Variants in RCOR1 observed in about 807,000 individuals in gnomAD.
RCOR1 encodes REST corepressor 1.
A neutral mutation model predicts 64.0 loss-of-function variants in RCOR1; 12 were observed. That is an observed-to-expected ratio of 0.19 (90% CI 0.12 to 0.30). RCOR1 has a LOEUF of 0.30. Ranked by LOEUF, RCOR1 falls within the 10% of genes least tolerant of loss-of-function variation. The pLI is 1.00. For missense variants in RCOR1, 502 were observed against 621.2 expected (o/e 0.81, Z 2.04); for synonymous variants, 279 against 227.2 (o/e 1.23, Z -2.05).
chr14:102,607,712 T>C (rs1187404058), intron 2 of RCOR1, among the ~76,000 whole-genome samples: 1 of 152,160 alleles, frequency 6.6e-6, no homozygotes, highest in Non-Finnish European at 1.5e-5. Context: ...TAAAACCCCA[T>C]ATCTACTAAA....
chr14:102,709,995 C>A (rs566540336), intron 6 of RCOR1, among the ~76,000 whole-genome samples: 2 of 152,246 alleles, frequency 1.3e-5, no homozygotes, highest in African/African-American at 4.8e-5. Flanking sequence ...TTTTGGGATG[C>A]GGGGATGGAG....
chr14:102,627,206 C>G (rs1054003439), intron 2 of RCOR1, among the ~76,000 whole-genome samples: 6 of 152,200 alleles, frequency 3.9e-5, no homozygotes, highest in African/African-American at 1.4e-4. Flanking sequence ...TAACTGCTAG[C>G]TAAGGCCAAA....
At chr14:102,641,413 A>T (rs942065973) in intron 2 of RCOR1, among the ~76,000 whole-genome samples, 2 of 152,098 alleles carry the variant, frequency 1.3e-5, no homozygotes, top group African/African-American at 4.8e-5. Flanking sequence ...CAACCTGGGC[A>T]ACATGGCAAA....
rs8006699 is a variant in RCOR1, at chr14:102,728,661, A to G, written c.*2155A>G. On this transcript the variant is annotated 3_prime_UTR_variant, in exon 12 of 12. Transcript: ENST00000262241. ...TGCTAATTTTTATATAGCGTGGCAA[A>G]CTGACCAGCAGTGCCAGGCCTTGAT... The G allele has an allele frequency of 0.22, 33,085 of 152,024 alleles. 4,636 individuals are homozygous for G. The highest frequency in any genetic ancestry group is 0.39 in the African/African-American group (16,171 of 41,408). The allele number at this position is 152,024 out of a possible 1,614,324, so 9.4% of individuals were successfully genotyped here. A position where few individuals can be genotyped will look rare whatever the true frequency, so the allele number is the denominator to read the frequency against.
At chr14:102,656,578 C>T (rs952638057) in intron 2 of RCOR1, among the ~76,000 whole-genome samples, 1 of 151,928 alleles carries the variant, frequency 6.6e-6, no homozygotes, top group Non-Finnish European at 1.5e-5. Context: ...AGCAATTCTC[C>T]TGTTCCAGCC....
At chr14:102,619,655 A>AT (rs1454870651) in intron 2 of RCOR1, among the ~76,000 whole-genome samples, 2 of 151,394 alleles carry the variant, frequency 1.3e-5, no homozygotes, top group African/African-American at 4.9e-5. Context: ...AAGTTTTTAT[A>AT]TTTTTGGTAG....
At chr14:102,602,184 G>A (rs115902598) in intron 2 of RCOR1, among the ~76,000 whole-genome samples, 4 of 151,166 alleles carry the variant, frequency 2.6e-5, no homozygotes, top group African/African-American at 9.7e-5. Flanking sequence ...GTGATAATAT[G>A]TTTTCTTGTT....
At chr14:102,657,685 A>G (rs1157445979) in intron 2 of RCOR1, 1 of 434,856 alleles carries the variant, frequency 2.3e-6, no homozygotes, top group Non-Finnish European at 3.1e-6. Context: ...TAAAAATACA[A>G]AAATTAGCCG....
At chr14:102,679,634 A>G (rs1395142850) in intron 2 of RCOR1, among the ~76,000 whole-genome samples, 2 of 151,674 alleles carry the variant, frequency 1.3e-5, no homozygotes, top group Non-Finnish European at 2.9e-5. Flanking sequence ...GCCCGCCACC[A>G]CGCCCGGCTA....
intron 2 of RCOR1, chr14:102,630,058 G>C (rs1894076945): frequency 5.5e-6 from 5 of 902,154 alleles, no homozygotes; most frequent in Non-Finnish European, 6.6e-6. Flanking sequence ...GATGTGGTTT[G>C]TCCTTAGCAA....
intron 8 of RCOR1, among the ~76,000 whole-genome samples, chr14:102,715,550 T>G (rs764666890): frequency 2.4e-4 from 36 of 151,480 alleles, no homozygotes; most frequent in Middle Eastern, 3.4e-3. Context: ...CCTGGCTAAT[T>G]TTTTGTGTTT....
At chr14:102,602,394 C>CTTTTTTTTTTTTTT (rs66743592) in intron 2 of RCOR1, among the ~76,000 whole-genome samples, 2 of 104,242 alleles carry the variant, frequency 1.9e-5, no homozygotes, top group African/African-American at 7.4e-5. Flanking sequence ...CTTTTCTTTT[C>CTTTTTTTTTTTTTT]TTTTTTTTTT....
chr14:102,632,798 C>G (rs574820349), intron 2 of RCOR1, among the ~76,000 whole-genome samples: 18 of 119,828 alleles, frequency 1.5e-4, no homozygotes, highest in Non-Finnish European at 2.2e-4. Context: ...TCTCCTCTCT[C>G]GTCTCTCCTC....
chr14:102,597,320 G>A (rs1403479987), intron 2 of RCOR1, among the ~76,000 whole-genome samples: 2 of 151,766 alleles, frequency 1.3e-5, no homozygotes, highest in Non-Finnish European at 2.9e-5. Context: ...CATGAATGGA[G>A]GAATTTGACT....
intron 2 of RCOR1, among the ~76,000 whole-genome samples, chr14:102,616,264 A>G (rs545202273): frequency 6.1e-5 from 9 of 146,914 alleles, no homozygotes; most frequent in East Asian, 2.1e-4. Context: ...GTGTGTGTGT[A>G]TATATATATT....
chr14:102,709,317 A>G (rs774366214), intron 6 of RCOR1, among the ~76,000 whole-genome samples: 1 of 152,250 alleles, frequency 6.6e-6, no homozygotes, highest in East Asian at 1.9e-4. Flanking sequence ...TAAAATGAAG[A>G]TGTTTGAAGT....
intron 2 of RCOR1, chr14:102,658,481 G>GA: frequency 2.0e-6 from 2 of 976,308 alleles, no homozygotes; most frequent in Non-Finnish European, 2.4e-6. Flanking sequence ...GTGAGACTCT[G>GA]AAAAAAATAA....
At position 102,707,955 on chromosome 14, in the gene RCOR1, A is replaced by T. The variant is rs193008460; in HGVS notation, c.660+443A>T. On this transcript the variant is annotated intron_variant, in intron 5 of 11. Coordinates refer to ENST00000262241, the MANE Select transcript of RCOR1 (RefSeq NM_015156.4). ...CAGGTGCGTGCCACCACGGCCGGCT[A>T]ATTTTTTGTATCTTTTTTTTTTTTT... Among the ~76,000 whole-genome samples the T allele has an allele frequency of 7.4e-3, 1,057 of 142,720 alleles. 13 individuals are homozygous for T. Among genetic ancestry groups the T allele is most frequent in the Middle Eastern group, 0.024 (7 of 288 alleles). 93.6% of individuals were successfully genotyped at this position (142,720 alleles called of 152,430 possible). A position where few individuals can be genotyped will look rare whatever the true frequency, so the allele number is the denominator to read the frequency against.
At chr14:102,628,365 C>A (rs947831246) in intron 2 of RCOR1, among the ~76,000 whole-genome samples, 1 of 152,126 alleles carries the variant, frequency 6.6e-6, no homozygotes, top group Non-Finnish European at 1.5e-5. Context: ...ATTACAGAAC[C>A]TTTTCTTCAC....
Sources: allele counts gnomAD v4.1 joint callset (sites outside exome capture counted in the v4.1 genomes callset), GRCh38; gene constraint gnomAD v4.1.1; transcripts MANE v1.5; gene names NCBI Gene and HGNC (gene_info 2026-07-23, HGNC 2026-07-21).